DNAH8: variants seen among roughly 807,000 people sequenced by gnomAD.
DNAH8 encodes the protein axonemal beta dynein heavy chain 8.
Under a neutral mutation model 562.1 loss-of-function variants are expected in DNAH8, and 382 were observed. That is an observed-to-expected ratio of 0.68 (90% CI 0.63 to 0.74). The LOEUF is 0.74. Among genes scored for constraint, DNAH8 ranks in the 30% least tolerant of loss-of-function variants. The pLI, the probability that DNAH8 is intolerant of heterozygous loss-of-function variation, is 0.00. For missense variants in DNAH8, 5,203 were observed against 5,620.4 expected, an observed-to-expected ratio of 0.93 and a Z score of 2.37; for synonymous variants, 1,881 against 1,919.4, an observed-to-expected ratio of 0.98 and a Z score of 0.52.
chr6:38,884,768 A>G (rs78813328), intron 56 of DNAH8, among the ~76,000 whole-genome samples: 3,942 of 152,264 alleles, frequency 0.026, 174 homozygotes, highest in African/African-American at 0.088. Context: ...CAAAAAATGA[A>G]AAACCAAACA....
chr6:38,854,549 A>G (rs1776031239), intron 41 of DNAH8, among the ~76,000 whole-genome samples: 1 of 152,212 alleles, frequency 6.6e-6, no homozygotes, highest in Non-Finnish European at 1.5e-5. Context: ...TTTTTATATT[A>G]TATAATACCC....
chr6:38,855,864 C>T (rs764626303), intron 41 of DNAH8, among the ~76,000 whole-genome samples: 46 of 152,074 alleles, frequency 3.0e-4, no homozygotes, highest in Admixed American at 5.2e-4. Flanking sequence ...AGATCAACGG[C>T]GGCATGAGAT....
chr6:38,916,136 T>C (rs1318050949), intron 68 of DNAH8, among the ~76,000 whole-genome samples: 3 of 152,152 alleles, frequency 2.0e-5, no homozygotes, highest in Non-Finnish European at 4.4e-5. Context: ...GTGCTTCTGT[T>C]CCTGCTGATG....
intron 30 of DNAH8, 113 bp downstream of exon 30, chr6:38,828,401 T>G: frequency 1.7e-6 from 1 of 584,728 alleles, no homozygotes; most frequent in East Asian, 3.1e-5. Flanking sequence ...ATAACAATGT[T>G]TCAGTCAACA....
At chr6:38,823,849 T>C (rs974669164) in intron 28 of DNAH8, among the ~76,000 whole-genome samples, 161 bp downstream of exon 28, 10 of 151,924 alleles carry the variant, frequency 6.6e-5, no homozygotes, top group Admixed American at 4.6e-4. Context: ...TACCAAGATA[T>C]ATTATAATAT....
chr6:38,861,659 G>A (rs1776628684), intron 43 of DNAH8, among the ~76,000 whole-genome samples: 1 of 152,166 alleles, frequency 6.6e-6, no homozygotes, highest in Non-Finnish European at 1.5e-5. Flanking sequence ...TACCTCACAA[G>A]TAGCTGGGAC....
At chr6:38,889,774 A>G (rs1048508192) in intron 57 of DNAH8, among the ~76,000 whole-genome samples, 1 of 152,196 alleles carries the variant, frequency 6.6e-6, no homozygotes, top group Non-Finnish European at 1.5e-5. Flanking sequence ...ACAACCAACC[A>G]TGATTTGGAG....
intron 21 of DNAH8, among the ~76,000 whole-genome samples, chr6:38,801,625 C>T (rs1362420925): frequency 6.6e-6 from 1 of 152,172 alleles, no homozygotes; most frequent in Non-Finnish European, 1.5e-5. Flanking sequence ...CGTTACCATT[C>T]CAGTGTTTAG....
At chr6:38,962,950 T>TA (rs1226517997) in intron 82 of DNAH8, among the ~76,000 whole-genome samples, 2 of 152,248 alleles carry the variant, frequency 1.3e-5, no homozygotes, top group Non-Finnish European at 2.9e-5. Flanking sequence ...CTAAGAATGA[T>TA]ACAATGGACT....
At chr6:38,750,183 T>A (rs1765315749) in intron 8 of DNAH8, among the ~76,000 whole-genome samples, 1 of 152,206 alleles carries the variant, frequency 6.6e-6, no homozygotes, top group African/African-American at 2.4e-5. Flanking sequence ...CAGAGTAATA[T>A]AATGTCACAA....
Position 38,729,956 on chromosome 6 carries a change from T to C in DNAH8, c.580T>C (p.Leu194=). The part of the protein sequence containing the change: ...AKDGCKTLKF[L]YQEGDVPGIE... ...AGATGGTTGTAAGACACTGAAATTTTTGTACCAAGAAGGAGATGTACCTGG... is the reference window on the plus strand; with the variant it reads ...AGATGGTTGTAAGACACTGAAATTTCTGTACCAAGAAGGAGATGTACCTGG... The change falls in exon 4 of 93, where the codon TTG becomes CTG. Residue 194 remains leucine, a synonymous_variant. Coordinates refer to ENST00000327475, the MANE Select transcript of DNAH8 (RefSeq NM_001206927.2). 6.3e-7 allele frequency: 1 copy of C among 1,598,470 alleles called. No homozygotes were observed. Among genetic ancestry groups the C allele is most frequent in the Non-Finnish European group, 8.6e-7 (1 of 1,168,686 alleles).
rs114397580 is a variant in DNAH8, at chr6:38,879,486, A to G, written c.7859-3424A>G. ...TAAGACTAAAAACTAAGCAAGCCAT[A>G]AACAGTCATCTAAATGAATGAAGAA... On this transcript the variant is annotated intron_variant, in intron 53 of 92. Transcript: ENST00000327475. 5.0e-3 allele frequency among the ~76,000 whole-genome samples: 760 copies of G among 152,348 alleles called. 6 individuals are homozygous for G. Among genetic ancestry groups the G allele is most frequent in the African/African-American group, 0.018 (737 of 41,586 alleles).
In DNAH8 at chr6:38,826,377, T is replaced by A; in HGVS notation, c.4069T>A (p.Leu1357Met). ...RDNEIQMDMT[L>M]GPIEEAYAIL... is the part of the protein sequence containing the mutation. ...TAATGAAATTCAAATGGACATGACT[T>A]TGGGACCAATTGAAGTAAGAAATGA... The change falls in exon 29 of 93, where the codon TTG becomes ATG. Residue 1357 changes from leucine to methionine, a missense_variant. By Grantham distance (15) the Leu-to-Met change is conservative. This residue lies in a region of DNAH8 where 2,176 missense variants were observed against 2,365.1 expected (regional missense o/e 0.92). Coordinates refer to ENST00000327475, the MANE Select transcript of DNAH8 (RefSeq NM_001206927.2). The A allele has an allele frequency of 6.3e-7, 1 of 1,591,130 alleles. No individual in the cohort carries two copies. The highest frequency in any genetic ancestry group is 8.5e-7 in the Non-Finnish European group (1 of 1,171,572).
chr6:38,722,603 T>C (rs1226725005), intron 1 of DNAH8, among the ~76,000 whole-genome samples, 173 bp from the exon 2 acceptor site: 1 of 151,868 alleles, frequency 6.6e-6, no homozygotes, highest in Non-Finnish European at 1.5e-5. Context: ...TGTGTGTGTG[T>C]GCTGTCCTCA....
intron 12 of DNAH8, among the ~76,000 whole-genome samples, chr6:38,772,029 C>CTTT (rs34980133): frequency 0.11 from 15,051 of 131,736 alleles, 1,119 homozygotes; most frequent in Admixed American, 0.19. Context: ...TTTATGATTT[C>CTTT]TTTTTTTTTT....
intron 82 of DNAH8, among the ~76,000 whole-genome samples, chr6:38,958,796 A>T (rs1762433588): frequency 1.3e-5 from 2 of 152,148 alleles, no homozygotes; most frequent in South Asian, 4.1e-4. Flanking sequence ...ATTCTATGAG[A>T]CTAGCATTAC....
intron 69 of DNAH8, 46 bp from the exon 70 acceptor site, chr6:38,917,879 A>G (rs1366374729): frequency 1.4e-6 from 2 of 1,420,512 alleles, no homozygotes; most frequent in Admixed American, 4.0e-5. Context: ...ACTCAGGAAG[A>G]AAGTATTTTC....
intron 66 of DNAH8, 36 bp downstream of exon 66, chr6:38,911,622 A>G (rs1452387145): frequency 7.3e-7 from 1 of 1,364,220 alleles, no homozygotes; most frequent in Non-Finnish European, 1.0e-6. Context: ...TGGAATAGAA[A>G]TAGGGTTTAT....
At chr6:38,715,583 C>T (rs947568571) in intron 1 of DNAH8, among the ~76,000 whole-genome samples, 168 bp downstream of exon 1, 3 of 152,164 alleles carry the variant, frequency 2.0e-5, no homozygotes, top group Admixed American at 6.5e-5. Flanking sequence ...GCTTCAAAAC[C>T]CCAGCTGAGT....
Sources: allele counts gnomAD v4.1 joint callset (sites outside exome capture counted in the v4.1 genomes callset), GRCh38; gene constraint gnomAD v4.1.1; regional missense constraint gnomAD v4.1.1; transcripts MANE v1.5; gene names NCBI Gene and HGNC (gene_info 2026-07-23, HGNC 2026-07-21).